Variants in WWOX observed in about 807,000 individuals in gnomAD.
The protein encoded by WWOX is WW domain containing oxidoreductase, also known as WW domain-containing oxidoreductase.
A neutral mutation model predicts 46.2 loss-of-function variants in WWOX; 69 were observed. The ratio of observed to expected loss-of-function variants is 1.49; its 90% confidence interval spans 1.23 to 1.82. The LOEUF is 1.82. Ranked by LOEUF, WWOX falls within the 40% of genes most tolerant of loss-of-function variation. WWOX has a pLI of 0.00. For synonymous variants in WWOX, 359 were observed against 202.6 expected (o/e 1.77, Z -6.56); for missense variants, 919 against 542.6 (o/e 1.69, Z -6.89).
chr16:78,233,359 T>G (rs1437160824), intron 5 of WWOX, among the ~76,000 whole-genome samples: 1 of 152,058 alleles, frequency 6.6e-6, no homozygotes, highest in Non-Finnish European at 1.5e-5. Flanking sequence ...TTAACAAATT[T>G]TTAAATATAT....
chr16:78,674,781 C>T (rs572969746), intron 8 of WWOX, among the ~76,000 whole-genome samples: 174 of 151,970 alleles, frequency 1.1e-3, no homozygotes, highest in African/African-American at 4.1e-3. Flanking sequence ...GACATGTACT[C>T]TTCCCATATA....
intron 8 of WWOX, among the ~76,000 whole-genome samples, chr16:79,049,667 C>G (rs2048129848): frequency 6.6e-6 from 1 of 151,996 alleles, no homozygotes. Flanking sequence ...GAAACCCCGT[C>G]TCTACTAAAA....
At chr16:78,104,086 G>A (rs539173778) in intron 1 of WWOX, among the ~76,000 whole-genome samples, 45 of 152,230 alleles carry the variant, frequency 3.0e-4, no homozygotes, top group Non-Finnish European at 5.6e-4. Context: ...CTCAGTGTCA[G>A]AGCCGTCCTT....
chr16:78,913,147 C>G (rs1444875881), intron 8 of WWOX, among the ~76,000 whole-genome samples: 1 of 152,018 alleles, frequency 6.6e-6, no homozygotes, highest in Non-Finnish European at 1.5e-5. Flanking sequence ...TGATTTCGAT[C>G]ATGGCAGTTG....
At chr16:79,002,944 G>C (rs1414405256) in intron 8 of WWOX, among the ~76,000 whole-genome samples, 1 of 152,156 alleles carries the variant, frequency 6.6e-6, no homozygotes, top group Non-Finnish European at 1.5e-5. Flanking sequence ...AAAAATCTAT[G>C]CTGTTTAGGA....
chr16:78,710,777 G>A (rs2048428622), intron 8 of WWOX, among the ~76,000 whole-genome samples: 2 of 151,026 alleles, frequency 1.3e-5, no homozygotes, highest in African/African-American at 4.9e-5. Flanking sequence ...ACCGTGCCCA[G>A]CTAATTGTTT....
intron 8 of WWOX, among the ~76,000 whole-genome samples, chr16:78,817,199 T>C (rs959271156): frequency 6.9e-6 from 1 of 144,602 alleles, no homozygotes; most frequent in Non-Finnish European, 1.5e-5. Flanking sequence ...TTTTTTTTTT[T>C]CCTTCTTCAA....
intron 8 of WWOX, among the ~76,000 whole-genome samples, chr16:78,827,239 C>G (rs887281203): frequency 1.3e-5 from 2 of 152,154 alleles, no homozygotes; most frequent in Non-Finnish European, 2.9e-5. Context: ...ACAGTGAGAG[C>G]AGATGTTAAT....
intron 8 of WWOX, among the ~76,000 whole-genome samples, chr16:79,011,506 TTTTG>T (rs1172894406): frequency 1.4e-5 from 2 of 143,854 alleles, no homozygotes; most frequent in Non-Finnish European, 3.1e-5. Flanking sequence ...TTTATTTATT[TTTTG>T]AGACAGGGTC....
At chr16:79,091,890 C>T (rs759172363) in intron 8 of WWOX, among the ~76,000 whole-genome samples, 3 of 147,074 alleles carry the variant, frequency 2.0e-5, no homozygotes, top group South Asian at 4.3e-4. Flanking sequence ...AAGTGATTCT[C>T]CTGCCTCAGC....
chr16:78,485,981 A>G (rs981392936), intron 8 of WWOX, among the ~76,000 whole-genome samples: 1 of 152,226 alleles, frequency 6.6e-6, no homozygotes, highest in Non-Finnish European at 1.5e-5. Context: ...TCTGTTACCT[A>G]GGAGTCCATG....
intron 8 of WWOX, chr16:78,526,255 C>A (rs1028971391): frequency 2.0e-5 from 3 of 152,350 alleles, no homozygotes; most frequent in African/African-American, 7.2e-5. Context: ...CTCCTAATTG[C>A]TTCATGTGTT....
chr16:78,456,813 C>T (rs1468491459), intron 8 of WWOX, among the ~76,000 whole-genome samples: 1 of 152,250 alleles, frequency 6.6e-6, no homozygotes, highest in African/African-American at 2.4e-5. Flanking sequence ...TAGTGAATAC[C>T]AACATTAACA....
At chr16:78,944,560 G>A (rs779364508) in intron 8 of WWOX, among the ~76,000 whole-genome samples, 6 of 152,116 alleles carry the variant, frequency 3.9e-5, no homozygotes, top group African/African-American at 1.2e-4. Context: ...CTTGAGTTTC[G>A]TACACATCTA....
Position 79,045,780 on chromosome 16 carries a change from C to CTTTTTTTTTTTTTTTTTT in WWOX, c.1057-165806_1057-165789dup, listed in dbSNP as rs770463813. On this transcript the variant is annotated intron_variant, in intron 8 of 8. Transcript: ENST00000566780. ...AGCTCGTCTTTCCTTTTTTCTTTTC[C>CTTTTTTTTTTTTTTTTTT]TTTTTTTTTTTTTTTTTTTTTTTTT... Among the ~76,000 whole-genome samples the CTTTTTTTTTTTTTTTTTT allele has an allele frequency of 1.1e-4, 6 of 54,232 alleles. 3 individuals carry two copies. Among genetic ancestry groups the CTTTTTTTTTTTTTTTTTT allele is most frequent in the Non-Finnish European group, 2.4e-4 (6 of 25,356 alleles). 35.6% of individuals were successfully genotyped at this position (54,232 alleles called of 152,430 possible).
intron 8 of WWOX, among the ~76,000 whole-genome samples, chr16:78,967,789 C>A (rs13330742): frequency 0.31 from 47,398 of 151,854 alleles, 7,896 homozygotes; most frequent in Non-Finnish European, 0.37. Flanking sequence ...AGTTCCAAAT[C>A]TTTGGGGTGT....
chr16:78,865,637 T>C (rs937715127), intron 8 of WWOX, among the ~76,000 whole-genome samples: 2 of 152,152 alleles, frequency 1.3e-5, no homozygotes, highest in South Asian at 4.1e-4. Context: ...CCCAGCACTT[T>C]GGGAGGCTGA....
intron 8 of WWOX, among the ~76,000 whole-genome samples, chr16:79,038,706 C>T (rs1051166510): frequency 3.9e-5 from 6 of 152,042 alleles, no homozygotes; most frequent in Non-Finnish European, 7.4e-5. Context: ...CCCACCACCA[C>T]ACCCAACTAA....
intron 8 of WWOX, among the ~76,000 whole-genome samples, chr16:78,664,508 C>T (rs1381320053): frequency 6.6e-6 from 1 of 152,178 alleles, no homozygotes; most frequent in African/African-American, 2.4e-5. Context: ...AGTCCTGTCC[C>T]CTCTCACTAG....
Sources: allele counts gnomAD v4.1 joint callset (sites outside exome capture counted in the v4.1 genomes callset), GRCh38; gene constraint gnomAD v4.1.1; transcripts MANE v1.5; gene names NCBI Gene and HGNC (gene_info 2026-07-23, HGNC 2026-07-21).